The following ALK variants were observed in gnomAD, a reference collection of about 807,000 sequenced individuals.
ALK encodes ALK tyrosine kinase receptor.
A neutral mutation model predicts 163.1 loss-of-function variants in ALK; 74 were observed. The ratio of observed to expected loss-of-function variants is 0.45; its 90% CI spans 0.38 to 0.55. The LOEUF is 0.55. Ranked by LOEUF, ALK falls within the 20% of genes least tolerant of loss-of-function variation. The pLI is 0.00. For synonymous variants in ALK, 960 were observed against 843.2 expected, an observed-to-expected ratio of 1.14 and a Z score of -2.40; for missense variants, 2,063 against 2,105.3, an observed-to-expected ratio of 0.98 and a Z score of 0.39.
intron 3 of ALK, among the ~76,000 whole-genome samples, chr2:29,595,950 C>G (rs1361887493): frequency 6.6e-6 from 1 of 152,104 alleles, no homozygotes; most frequent in African/African-American, 2.4e-5. Context: ...GCTCCAGTAG[C>G]GGCAAGCTGG....
chr2:29,648,860 A>C lies in ALK; in HGVS notation c.952+45990T>G, dbSNP rs551550522. Among the ~76,000 whole-genome samples, 5 of 152,226 alleles carry C rather than the reference A, an allele frequency of 3.3e-5. No individual in the cohort carries two copies. The South Asian group carries it at 1.0e-3, about 32-fold the overall frequency. On this transcript the variant is annotated intron_variant, in intron 3 of 28. Transcript: ENST00000389048. Reference sequence around the variant, plus strand: ...AAGTAAGGATGCACAACAAGCACATATTTTGAGACTTTGCATGTGTAAAAA... The same window carrying C: ...AAGTAAGGATGCACAACAAGCACATCTTTTGAGACTTTGCATGTGTAAAAA...
chr2:29,538,599 G>A (rs931080927), intron 3 of ALK, among the ~76,000 whole-genome samples: 5 of 152,148 alleles, frequency 3.3e-5, no homozygotes, highest in African/African-American at 1.2e-4. Context: ...AGACTCAGGT[G>A]TTCCTTTACA....
At chr2:29,697,422 T>C (rs1347944237) in intron 2 of ALK, among the ~76,000 whole-genome samples, 1 of 152,222 alleles carries the variant, frequency 6.6e-6, no homozygotes, top group Non-Finnish European at 1.5e-5. Context: ...AGACTCTTTC[T>C]GTCCAATGAT....
intron 5 of ALK, among the ~76,000 whole-genome samples, chr2:29,345,633 T>G (rs1667927658): frequency 6.6e-6 from 1 of 151,846 alleles, no homozygotes; most frequent in South Asian, 2.1e-4. Flanking sequence ...GAAACTTCCT[T>G]GAGGAAATAG....
At chr2:29,626,413 G>A (rs1317547256) in intron 3 of ALK, among the ~76,000 whole-genome samples, 2 of 152,116 alleles carry the variant, frequency 1.3e-5, no homozygotes, top group Non-Finnish European at 2.9e-5. Flanking sequence ...AAGCTCTCTT[G>A]CCTGCTGCCA....
chr2:29,817,169 T>C (rs1339235449), intron 1 of ALK, among the ~76,000 whole-genome samples: 1 of 147,432 alleles, frequency 6.8e-6, no homozygotes, highest in East Asian at 2.1e-4. Context: ...AGGTGGGAGT[T>C]CAAGGTTTAC....
At chr2:29,644,060 A>T (rs1373327772) in intron 3 of ALK, among the ~76,000 whole-genome samples, 1 of 152,084 alleles carries the variant, frequency 6.6e-6, no homozygotes, top group Non-Finnish European at 1.5e-5. Context: ...ATGGAATACT[A>T]TGCAGCCATA....
chr2:29,431,939 C>T (rs556017785), intron 4 of ALK, among the ~76,000 whole-genome samples: 2 of 152,044 alleles, frequency 1.3e-5, no homozygotes, highest in South Asian at 2.1e-4. Context: ...CGTCCCGTCC[C>T]GTCCAGTCCC....
chr2:29,768,614 A>C (rs1161320249), intron 1 of ALK, among the ~76,000 whole-genome samples: 1 of 152,178 alleles, frequency 6.6e-6, no homozygotes, highest in Non-Finnish European at 1.5e-5. Context: ...ACAAAATTTG[A>C]CCAGGTAATT....
At chr2:29,411,103 T>C (rs1669714501) in intron 4 of ALK, among the ~76,000 whole-genome samples, 1 of 152,240 alleles carries the variant, frequency 6.6e-6, no homozygotes, top group Non-Finnish European at 1.5e-5. Flanking sequence ...TTGTATTACT[T>C]TTTAAACTTT....
chr2:29,260,988 A>T (rs772645538), intron 11 of ALK, among the ~76,000 whole-genome samples: 2 of 152,104 alleles, frequency 1.3e-5, no homozygotes, highest in Non-Finnish European at 2.9e-5. Flanking sequence ...TATCCCCAGA[A>T]CTTTCTTCTC....
At chr2:29,553,447 G>A (rs752811381) in intron 3 of ALK, among the ~76,000 whole-genome samples, 1 of 152,144 alleles carries the variant, frequency 6.6e-6, no homozygotes, top group Non-Finnish European at 1.5e-5. Context: ...AGCACAAATC[G>A]ACTAAGATAC....
chr2:29,660,282 T>C (rs533076310), intron 3 of ALK, among the ~76,000 whole-genome samples: 2 of 152,206 alleles, frequency 1.3e-5, no homozygotes, highest in Non-Finnish European at 2.9e-5. Context: ...ACAGCTCTAC[T>C]GTGGACTGAC....
At chr2:29,550,693 A>G (rs1415086111) in intron 3 of ALK, among the ~76,000 whole-genome samples, 4 of 152,154 alleles carry the variant, frequency 2.6e-5, no homozygotes, top group Admixed American at 6.5e-5. Context: ...ATAGGGACAA[A>G]TAATACTTTC....
chr2:29,691,801 T>C (rs181371527), intron 3 of ALK, among the ~76,000 whole-genome samples: 17 of 152,314 alleles, frequency 1.1e-4, no homozygotes, highest in Admixed American at 4.6e-4. Flanking sequence ...TACAATTTAT[T>C]GGCACTGTTT....
chr2:29,643,926 C>T (rs1468712993), intron 3 of ALK, among the ~76,000 whole-genome samples: 1 of 152,116 alleles, frequency 6.6e-6, no homozygotes, highest in African/African-American at 2.4e-5. Flanking sequence ...ACAAAACATG[C>T]TGCTATAAAG....
intron 4 of ALK, among the ~76,000 whole-genome samples, chr2:29,494,382 A>G: frequency 6.6e-6 from 1 of 152,162 alleles, no homozygotes; most frequent in South Asian, 2.1e-4. Flanking sequence ...GATGAGAGGC[A>G]GATGCTAACA....
At position 29,398,467 on chromosome 2, in the gene ALK, A is replaced by G. The variant is rs147284116; in HGVS notation, c.1155-14608T>C. Reference sequence around the variant, plus strand: ...TTAATACAGAGCTTCCTGGACACCCACTGTTTTATAAGTGTCACTATAGCC... The same window carrying G: ...TTAATACAGAGCTTCCTGGACACCCGCTGTTTTATAAGTGTCACTATAGCC... On this transcript the variant is annotated intron_variant, in intron 4 of 28. Coordinates refer to ENST00000389048, the MANE Select transcript of ALK (RefSeq NM_004304.5). 4.6e-3 allele frequency among the ~76,000 whole-genome samples: 704 copies of G among 152,190 alleles called. 5 individuals carry two copies. Among genetic ancestry groups the G allele is most frequent in the African/African-American group, 0.016 (658 of 41,524 alleles).
intron 4 of ALK, among the ~76,000 whole-genome samples, chr2:29,437,751 C>T (rs1439997442): frequency 6.6e-6 from 1 of 152,206 alleles, no homozygotes; most frequent in Non-Finnish European, 1.5e-5. Flanking sequence ...TTCTTTCTAA[C>T]ACCCTCTTAC....
Sources: allele counts gnomAD v4.1 joint callset (sites outside exome capture counted in the v4.1 genomes callset), GRCh38; gene constraint gnomAD v4.1.1; transcripts MANE v1.5; gene names NCBI Gene and HGNC (gene_info 2026-07-23, HGNC 2026-07-21).